The following THADA variants were observed in gnomAD, a reference collection of about 807,000 sequenced individuals.
THADA encodes the protein tRNA (32-2'-O)-methyltransferase regulator THADA.
THADA carries 213 observed loss-of-function variants against 219.8 expected under a neutral mutation model. That is an observed-to-expected ratio of 0.97 (90% CI 0.87 to 1.09). The LOEUF is 1.09. Among genes scored for constraint, THADA ranks in the 50% least tolerant of loss-of-function variants. The pLI, the probability that THADA is intolerant of heterozygous loss-of-function variation, is 0.00. For synonymous variants in THADA, 1,018 were observed against 828.9 expected, an observed-to-expected ratio of 1.23 and a Z score of -3.92; for missense variants, 2,956 against 2,311.3, an observed-to-expected ratio of 1.28 and a Z score of -5.72.
intron 16 of THADA, among the ~76,000 whole-genome samples, chr2:43,556,935 T>C (rs1470737676): frequency 6.6e-6 from 1 of 152,030 alleles, no homozygotes; most frequent in East Asian, 1.9e-4. Context: ...CCTTAAAAAT[T>C]AGCTGGGTGT....
chr2:43,528,823 CATA>C (rs1693508571), intron 21 of THADA, among the ~76,000 whole-genome samples: 1 of 151,884 alleles, frequency 6.6e-6, no homozygotes, highest in Non-Finnish European at 1.5e-5. Context: ...GTAAAATATA[CATA>C]ATATTTATCA....
intron 30 of THADA, among the ~76,000 whole-genome samples, chr2:43,328,067 G>A (rs932894981): frequency 1.3e-5 from 2 of 152,272 alleles, no homozygotes; most frequent in African/African-American, 4.8e-5. Flanking sequence ...AAATGTGGAA[G>A]TATAAATTAA....
intron 30 of THADA, among the ~76,000 whole-genome samples, chr2:43,328,750 G>A (rs1232080776): frequency 6.6e-6 from 1 of 152,220 alleles, no homozygotes; most frequent in Admixed American, 6.5e-5. Flanking sequence ...CAAGGCCCCA[G>A]CAGTCTGCAA....
chr2:43,439,685 T>TCA (rs550400304), intron 26 of THADA, among the ~76,000 whole-genome samples: 21 of 152,332 alleles, frequency 1.4e-4, no homozygotes, highest in Non-Finnish European at 2.6e-4. Flanking sequence ...CTAAACTTCA[T>TCA]CACAGCTATG....
intron 36 of THADA, among the ~76,000 whole-genome samples, chr2:43,242,725 G>C (rs954533938): frequency 6.6e-6 from 1 of 152,196 alleles, no homozygotes. Flanking sequence ...ATGAGCTCAA[G>C]TGATCCACCT....
chr2:43,544,893 C>A (rs1310835749), intron 20 of THADA, among the ~76,000 whole-genome samples: 1 of 149,902 alleles, frequency 6.7e-6, no homozygotes, highest in Non-Finnish European at 1.5e-5. Context: ...ATTGCCCTGG[C>A]CAGAACTTCC....
chr2:43,505,819 C>T (rs3764769), intron 23 of THADA, 84 bp from the exon 24 acceptor site: 212,435 of 923,826 alleles, frequency 0.23, 26,451 homozygotes, highest in Middle Eastern at 0.27. Context: ...TCCCAAAATG[C>T]AAAATCCCCT....
At chr2:43,567,271 G>A (rs886138476) in intron 14 of THADA, among the ~76,000 whole-genome samples, 3 of 151,816 alleles carry the variant, frequency 2.0e-5, no homozygotes, top group African/African-American at 7.3e-5. Flanking sequence ...AAAGAAATAG[G>A]GCCATTACTG....
At chr2:43,557,384 T>C (rs1697502125) in intron 16 of THADA, among the ~76,000 whole-genome samples, 1 of 152,224 alleles carries the variant, frequency 6.6e-6, no homozygotes. Context: ...TCAGGGCTTA[T>C]GTTTCACCTG....
At position 43,323,932 on chromosome 2, in the gene THADA, G is replaced by A. The variant is rs111437501; in HGVS notation, c.4344-3392C>T. Among the ~76,000 whole-genome samples, 257 of 152,340 alleles carry A rather than the reference G, an allele frequency of 1.7e-3. 1 individual carries two copies. Among genetic ancestry groups the A allele is most frequent in the Middle Eastern group, 0.01 (3 of 294 alleles). Reference sequence around the variant, plus strand: ...GGAGCGGCAGCTTGGGAAGATAAGAGAATGCGTTGATAAGGTGGAAACAAG... The same window carrying A: ...GGAGCGGCAGCTTGGGAAGATAAGAAAATGCGTTGATAAGGTGGAAACAAG... On this transcript the variant is annotated intron_variant, in intron 30 of 37. Coordinates refer to ENST00000405975, the MANE Select transcript of THADA (RefSeq NM_022065.5).
At chr2:43,383,122 T>C (rs146589932) in intron 29 of THADA, among the ~76,000 whole-genome samples, 46 of 152,296 alleles carry the variant, frequency 3.0e-4, no homozygotes, top group Non-Finnish European at 5.7e-4. Flanking sequence ...TAAAATGGCA[T>C]TAAATGAGCA....
intron 30 of THADA, among the ~76,000 whole-genome samples, chr2:43,335,514 G>C (rs1288907172): frequency 6.6e-6 from 1 of 152,172 alleles, no homozygotes; most frequent in Non-Finnish European, 1.5e-5. Context: ...GATTCGATTT[G>C]ATAAGACTCT....
At chr2:43,559,485 C>T (rs1261029383) in intron 16 of THADA, among the ~76,000 whole-genome samples, 3 of 152,170 alleles carry the variant, frequency 2.0e-5, no homozygotes, top group African/African-American at 4.8e-5. Flanking sequence ...CAGAAACCCT[C>T]GGCCTTTATA....
intron 26 of THADA, among the ~76,000 whole-genome samples, chr2:43,435,494 G>C (rs972980655): frequency 5.7e-5 from 8 of 141,514 alleles, no homozygotes; most frequent in African/African-American, 2.0e-4. Context: ...AGGAGGGAGG[G>C]AGGGAGGGCT....
chr2:43,433,212 A>G (rs939638287), intron 26 of THADA, among the ~76,000 whole-genome samples: 11 of 143,194 alleles, frequency 7.7e-5, no homozygotes, highest in African/African-American at 3.0e-4. Flanking sequence ...TTTTTTTTGG[A>G]AAAAAAAAAT....
At chr2:43,293,265 C>A in intron 31 of THADA, 52 bp from the exon 32 acceptor site, 3 of 1,543,482 alleles carry the variant, frequency 1.9e-6, no homozygotes, top group Non-Finnish European at 2.6e-6. Flanking sequence ...TAAATTTCCA[C>A]AAAAGGACAT....
At chr2:43,594,038 T>C (rs1701877512) in intron 1 of THADA, among the ~76,000 whole-genome samples, 1 of 152,148 alleles carries the variant, frequency 6.6e-6, no homozygotes, top group Admixed American at 6.5e-5. Context: ...CACTAAGGAC[T>C]GGGCTACCTT....
intron 30 of THADA, among the ~76,000 whole-genome samples, chr2:43,341,023 T>C (rs1667006293): frequency 6.6e-6 from 1 of 152,200 alleles, no homozygotes; most frequent in Non-Finnish European, 1.5e-5. Context: ...ATGTGGATAA[T>C]ATAGAAAAAC....
At chr2:43,591,880 A>G (rs1031163554) in intron 3 of THADA, 72 bp downstream of exon 3, 42 of 1,041,904 alleles carry the variant, frequency 4.0e-5, no homozygotes, top group Non-Finnish European at 5.1e-5. Flanking sequence ...AAAAACTGTC[A>G]GTGATTTTTT....
Sources: gnomAD v4.1 joint callset for allele counts (sites outside exome capture counted in the v4.1 genomes callset) on GRCh38, gnomAD v4.1.1 for gene constraint, MANE v1.5 for transcripts, NCBI Gene and HGNC (gene_info 2026-07-23, HGNC 2026-07-21) for gene names.